LRP8: variants seen among roughly 807,000 people sequenced by gnomAD.
LRP8 encodes the protein low-density lipoprotein receptor-related protein 8.
In LRP8, 46 loss-of-function variants were observed where a neutral mutation model predicts 111.6. The observed-to-expected ratio is 0.41, with a 90% CI of 0.33 to 0.53. LRP8 has a LOEUF of 0.53. Ranked by LOEUF, LRP8 falls within the 20% of genes least tolerant of loss-of-function variation. The pLI is 0.20. For synonymous variants in LRP8, 464 were observed against 511.2 expected, an observed-to-expected ratio of 0.91 and a Z score of 1.24; for missense variants, 959 against 1,297.4, an observed-to-expected ratio of 0.74 and a Z score of 4.01.
At chr1:53,324,600 C>T (rs1181498252) in intron 2 of LRP8, among the ~76,000 whole-genome samples, 1 of 152,200 alleles carries the variant, frequency 6.6e-6, no homozygotes, top group African/African-American at 2.4e-5. Flanking sequence ...AGCTTGACGT[C>T]ATTCACTTTT....
chr1:53,289,323 A>T (rs751893131), intron 3 of LRP8: 21 of 405,702 alleles, frequency 5.2e-5, no homozygotes, highest in Non-Finnish European at 8.4e-5. Context: ...GAAGGGCTTG[A>T]CAGGGCTGTT....
intron 2 of LRP8, among the ~76,000 whole-genome samples, chr1:53,311,231 A>G (rs1032164890): frequency 6.6e-6 from 1 of 151,932 alleles, no homozygotes; most frequent in African/African-American, 2.4e-5. Context: ...GGAGGAATCC[A>G]TAGTTTACAG....
At chr1:53,325,593 C>T (rs895331014) in intron 2 of LRP8, among the ~76,000 whole-genome samples, 3 of 152,230 alleles carry the variant, frequency 2.0e-5, no homozygotes, top group Non-Finnish European at 2.9e-5. Context: ...TCTAGTTCTG[C>T]CACGCACAAG....
Position 53,249,595 on chromosome 1 carries a change from ACACT to A in LRP8, c.2677-43_2677-40del, listed in dbSNP as rs1446705989. ...GGCACTGTGGATGACCTCTGAGGTC[ACACT>A]CAGCCCCCTGACTGTGCTGTATAAC... On this transcript the variant is annotated intron_variant, in intron 17 of 18. Transcript: ENST00000306052. This position sits in a 1 kb window ranked among gnomAD's most constrained non-coding sequence, Gnocchi z 4.1. 13 of 1,538,932 alleles carry A rather than the reference ACACT, an allele frequency of 8.4e-6. No homozygotes were observed. The highest frequency in any genetic ancestry group is 1.1e-5 in the Non-Finnish European group (13 of 1,142,068).
chr1:53,311,744 C>G (rs1653039302), intron 2 of LRP8, among the ~76,000 whole-genome samples: 1 of 152,158 alleles, frequency 6.6e-6, no homozygotes, highest in South Asian at 2.1e-4. Context: ...ACCAGCCAAC[C>G]AGTGACCCCA....
intron 2 of LRP8, among the ~76,000 whole-genome samples, chr1:53,312,748 T>A (rs1304543923): frequency 6.6e-6 from 1 of 152,120 alleles, no homozygotes; most frequent in Non-Finnish European, 1.5e-5. Flanking sequence ...GAGAGAGCAG[T>A]GGCCAGGGCT....
rs112557446 is a variant in LRP8, at chr1:53,294,976, G to T, written c.245-5287C>A. On this transcript the variant is annotated intron_variant, in intron 2 of 18. Coordinates refer to ENST00000306052, the MANE Select transcript of LRP8 (RefSeq NM_004631.5). This position sits in a 1 kb window ranked among gnomAD's most constrained non-coding sequence, Gnocchi z 4.1. ...CTCTTGGCAATCCGAATGTCCTGCC[G>T]TGTTGGACTCCAGGGTCTTGAGGCC... Among the ~76,000 whole-genome samples the T allele has an allele frequency of 1.3e-5, 2 of 152,212 alleles. No homozygotes were observed. Among genetic ancestry groups the T allele is most frequent in the Non-Finnish European group, 2.9e-5 (2 of 68,040 alleles).
intron 2 of LRP8, among the ~76,000 whole-genome samples, chr1:53,300,456 G>T (rs1315297579): frequency 6.6e-6 from 1 of 152,232 alleles, no homozygotes; most frequent in Admixed American, 6.5e-5. Flanking sequence ...GCAAGCTCGA[G>T]TCTCCATGGG....
intron 8 of LRP8, chr1:53,268,413 CTG>C (rs1646653605): frequency 6.6e-6 from 1 of 152,178 alleles, no homozygotes; most frequent in South Asian, 2.1e-4. Context: ...TGTACATAAT[CTG>C]TGTCATGTAT....
At position 53,260,481 on chromosome 1, in the gene LRP8, T is replaced by C; in HGVS notation, c.2039A>G (p.Glu680Gly). The change falls in exon 13 of 19, where the codon GAG (glutamate) becomes GGG (glycine). Residue 680 changes from glutamate to glycine, a missense_variant. By Grantham distance (98) the Glu-to-Gly change is moderately conservative. This residue lies in a region of LRP8 where 819 missense variants were observed against 1,097.6 expected (regional missense o/e 0.75). Transcript: ENST00000306052. ...NNPHDIVIFH[E>G]LKQPRAPDAC... is the part of the protein sequence containing the mutation. ...CAGCTCACCTCTTGGCTGCTTCAGC[T>C]CATGGAAGATGACAATGTCATGTGG... The C allele has an allele frequency of 1.2e-6, 2 of 1,614,142 alleles. No homozygotes were observed. The highest frequency in any genetic ancestry group is 1.7e-6 in the Non-Finnish European group (2 of 1,180,030).
chr1:53,266,361 C>T lies in LRP8; in HGVS notation c.1427+112G>A, dbSNP rs576689027. The T allele has an allele frequency of 1.7e-4, 187 of 1,126,458 alleles. 3 individuals are homozygous for T. The South Asian group carries it at 2.7e-3, about 16-fold the overall frequency. The allele number at this position is 1,126,458 out of a possible 1,614,324, so 69.8% of individuals were successfully genotyped here. A position where few individuals can be genotyped will look rare whatever the true frequency, so the allele number is the denominator to read the frequency against. ...GTGATCCTGCATCTCTTCCCAAGTC[C>T]CAACTCTGTCCTGAGGAGCTCTAGA... On this transcript the variant is annotated intron_variant, in intron 9 of 18. Transcript: ENST00000306052. This position sits in a 1 kb window ranked among gnomAD's most constrained non-coding sequence, Gnocchi z 5.0.
chr1:53,245,769 T>C lies in LRP8; in HGVS notation c.*1249A>G, dbSNP rs1645712692. 6.6e-6 allele frequency: 1 copy of C among 152,530 alleles called. No individual in the cohort carries two copies. The highest frequency in any genetic ancestry group is 1.5e-5 in the Non-Finnish European group (1 of 68,018). The allele number at this position is 152,530 out of a possible 1,614,324, so 9.4% of individuals were successfully genotyped here. On this transcript the variant is annotated 3_prime_UTR_variant, in exon 19 of 19. Transcript: ENST00000306052. ...AAAATGTTTCCCCACATAAAGGAAA[T>C]GGTAGAGAGTAAGGGGAAAAGAGAA...
At position 53,243,455 on chromosome 1, in the gene LRP8, G is replaced by A. The variant is rs1010645977; in HGVS notation, c.*3563C>T. The A allele has an allele frequency of 6.6e-6, 1 of 152,180 alleles. No individual in the cohort carries two copies. The highest frequency in any genetic ancestry group is 6.5e-5 in the Admixed American group (1 of 15,284). 9.4% of individuals were successfully genotyped at this position (152,180 alleles called of 1,614,324 possible). A position where few individuals can be genotyped will look rare whatever the true frequency, so the allele number is the denominator to read the frequency against. On this transcript the variant is annotated 3_prime_UTR_variant, in exon 19 of 19. Coordinates refer to ENST00000306052, the MANE Select transcript of LRP8 (RefSeq NM_004631.5). The stretch of plus-strand genomic sequence containing the variant: ...TCCCTTTGGCCACTGGAAAGCTTGA[G>A]GCTGAATAATATCAGTTCTGCAAAG...
intron 2 of LRP8, among the ~76,000 whole-genome samples, chr1:53,313,013 G>A (rs905383559): frequency 1.3e-5 from 2 of 152,214 alleles, no homozygotes; most frequent in African/African-American, 4.8e-5. Context: ...GAGGCCCAGT[G>A]GAGGGCAAGT....
At chr1:53,290,817 C>T (rs983369937) in intron 2 of LRP8, among the ~76,000 whole-genome samples, 2 of 152,106 alleles carry the variant, frequency 1.3e-5, no homozygotes, top group Non-Finnish European at 2.9e-5. Flanking sequence ...ACTGAGGCTG[C>T]CTGGCTACCC....
At position 53,250,107 on chromosome 1, in the gene LRP8, C is replaced by T. The variant is rs1295940171; in HGVS notation, c.2677-551G>A. Reference sequence around the variant, plus strand: ...CCTGAGCTTCCACCACGGCATTCAGCACACAATTATACCACTGTATGTTAG... The same window carrying T: ...CCTGAGCTTCCACCACGGCATTCAGTACACAATTATACCACTGTATGTTAG... On this transcript the variant is annotated intron_variant, in intron 17 of 18. Transcript: ENST00000306052. This position sits in a 1 kb window ranked among gnomAD's most constrained non-coding sequence, Gnocchi z 4.6. Among the ~76,000 whole-genome samples, 3 of 152,338 alleles carry T rather than the reference C, an allele frequency of 2.0e-5. No individual in the cohort carries two copies. Among genetic ancestry groups the T allele is most frequent in the Admixed American group, 1.3e-4 (2 of 15,300 alleles).
At chr1:53,309,585 G>A (rs1652624123) in intron 2 of LRP8, among the ~76,000 whole-genome samples, 1 of 152,172 alleles carries the variant, frequency 6.6e-6, no homozygotes, top group African/African-American at 2.4e-5. Flanking sequence ...TGAGGGGAGA[G>A]GTCAGGCTGC....
At chr1:53,302,874 A>ATT (rs1557841380) in intron 2 of LRP8, among the ~76,000 whole-genome samples, 12 of 69,886 alleles carry the variant, frequency 1.7e-4, no homozygotes, top group South Asian at 8.8e-4. Context: ...TTTTTTTTGG[A>ATT]TTTTTGTTGT....
rs987967263 is a variant in LRP8 at position 53,293,346 on chromosome 1, T to G, written c.245-3657A>C. On this transcript the variant is annotated intron_variant, in intron 2 of 18. Transcript: ENST00000306052. This position sits in a 1 kb window ranked among gnomAD's most constrained non-coding sequence, Gnocchi z 4.9. The stretch of plus-strand genomic sequence containing the variant: ...GTTTTTGGCAACAGATTCGGTGGTG[T>G]TTTTGGGAACAGATTTGTTCACTGG... Among the ~76,000 whole-genome samples, 24 of 152,032 alleles carry G rather than the reference T, an allele frequency of 1.6e-4. No homozygotes were observed. The highest frequency in any genetic ancestry group is 5.3e-4 in the African/African-American group (22 of 41,382).
Sources: allele counts gnomAD v4.1 joint callset (sites outside exome capture counted in the v4.1 genomes callset), GRCh38; gene constraint gnomAD v4.1.1; regional missense constraint gnomAD v4.1.1; non-coding constraint Gnocchi (gnomAD v3.1); transcripts MANE v1.5; gene names NCBI Gene and HGNC (gene_info 2026-07-23, HGNC 2026-07-21).